Variants in ZNF827 observed in about 807,000 individuals in gnomAD.
ZNF827 encodes zinc finger protein 827.
ZNF827 carries 13 observed loss-of-function variants against 102.4 expected under a neutral mutation model. That is an observed-to-expected ratio of 0.13 (90% CI 0.08 to 0.20). The LOEUF (loss-of-function observed/expected upper bound fraction) is 0.20, where lower values mean the gene tolerates loss of function less well. Among genes scored for constraint, ZNF827 ranks in the 10% least tolerant of loss-of-function variants. The pLI, the probability that ZNF827 is intolerant of heterozygous loss-of-function variation, is 1.00. For missense variants in ZNF827, 1,103 were observed against 1,344.4 expected (o/e 0.82, Z 2.81); for synonymous variants, 523 against 536.2 (o/e 0.98, Z 0.34).
At chr4:145,887,786 C>A (rs931964018) in intron 3 of ZNF827, among the ~76,000 whole-genome samples, 19 of 152,212 alleles carry the variant, frequency 1.2e-4, no homozygotes, top group African/African-American at 4.6e-4. Context: ...ACCTTGGGGA[C>A]CTCAGGTCAC....
chr4:145,826,733 G>A (rs1226828962), intron 7 of ZNF827, among the ~76,000 whole-genome samples: 3 of 152,072 alleles, frequency 2.0e-5, no homozygotes, highest in East Asian at 3.9e-4. Context: ...TGAGGTTTCC[G>A]GCAACCACTG....
At chr4:145,893,019 CA>C (rs1388768504) in intron 2 of ZNF827, among the ~76,000 whole-genome samples, 2 of 152,204 alleles carry the variant, frequency 1.3e-5, no homozygotes, top group Non-Finnish European at 1.5e-5. Context: ...ATTTAGCCAT[CA>C]GGGGGTCTTA....
chr4:145,900,733 C>T (rs1183064679), intron 2 of ZNF827, among the ~76,000 whole-genome samples: 1 of 152,038 alleles, frequency 6.6e-6, no homozygotes, highest in African/African-American at 2.4e-5. Flanking sequence ...TATATACAGC[C>T]ATACCTCTCT....
chr4:145,920,303 T>C (rs577921838), intron 1 of ZNF827, among the ~76,000 whole-genome samples: 10 of 152,198 alleles, frequency 6.6e-5, no homozygotes, highest in Non-Finnish European at 1.5e-4. Flanking sequence ...ATATGCCCAG[T>C]CATCAGGAAA....
intron 1 of ZNF827, among the ~76,000 whole-genome samples, chr4:145,918,525 A>T (rs1222488553): frequency 6.6e-6 from 1 of 151,258 alleles, no homozygotes; most frequent in Non-Finnish European, 1.5e-5. Context: ...AAAAAAAAAA[A>T]TTCCGATATA....
At chr4:145,883,643 T>G (rs1268790497) in intron 4 of ZNF827, among the ~76,000 whole-genome samples, 3 of 152,222 alleles carry the variant, frequency 2.0e-5, no homozygotes, top group African/African-American at 7.2e-5. Context: ...CCTTCCCTGT[T>G]CTCGCTCAAC....
At chr4:145,838,651 C>T (rs1241856325) in intron 7 of ZNF827, among the ~76,000 whole-genome samples, 1 of 151,784 alleles carries the variant, frequency 6.6e-6, no homozygotes, top group East Asian at 1.9e-4. Flanking sequence ...TGAGAATGTC[C>T]ATGGAAAAAT....
rs1553975846 is a variant in ZNF827, at chr4:145,768,890, AAT to A, written c.2861-3154_2861-3153del. Among the ~76,000 whole-genome samples the A allele has an allele frequency of 2.3e-3, 18 of 7,722 alleles. 1 individual carries two copies. Among genetic ancestry groups the A allele is most frequent in the Non-Finnish European group, 4.4e-3 (14 of 3,168 alleles). 5.1% of individuals were successfully genotyped at this position (7,722 alleles called of 152,430 possible). On this transcript the variant is annotated intron_variant, in intron 11 of 14. Transcript: ENST00000508784. ...AAAAAAAAAAAAAAAAAAAAAAAAA[AAT>A]ATATATATATATATATATATATATT...
At chr4:145,791,607 T>C (rs2127058026) in intron 8 of ZNF827, among the ~76,000 whole-genome samples, 1 of 152,346 alleles carries the variant, frequency 6.6e-6, no homozygotes, top group African/African-American at 2.4e-5. Flanking sequence ...ATCTCTATTA[T>C]ATCATTCTCA....
intron 6 of ZNF827, among the ~76,000 whole-genome samples, chr4:145,846,348 G>GT (rs1745937603): frequency 6.6e-6 from 1 of 152,120 alleles, no homozygotes; most frequent in Non-Finnish European, 1.5e-5. Context: ...GATGGTGGTG[G>GT]GCATCTATGG....
chr4:145,823,735 G>T (rs534122108), intron 7 of ZNF827, among the ~76,000 whole-genome samples: 1 of 152,162 alleles, frequency 6.6e-6, no homozygotes. Context: ...CTGCCTATGG[G>T]TTTTATATTT....
intron 5 of ZNF827, among the ~76,000 whole-genome samples, chr4:145,852,133 T>C (rs1031021477): frequency 5.9e-5 from 9 of 152,144 alleles, no homozygotes; most frequent in Admixed American, 2.0e-4. Flanking sequence ...AAAAGAATAC[T>C]AGGACAAATA....
chr4:145,913,785 T>G (rs955575898), intron 1 of ZNF827, among the ~76,000 whole-genome samples: 1 of 152,208 alleles, frequency 6.6e-6, no homozygotes, highest in African/African-American at 2.4e-5. Context: ...GATAAATCGG[T>G]TGATTATCTG....
intron 6 of ZNF827, among the ~76,000 whole-genome samples, 154 bp downstream of exon 6, chr4:145,849,164 CTGTT>C (rs1746276234): frequency 6.6e-6 from 1 of 151,918 alleles, no homozygotes; most frequent in African/African-American, 2.4e-5. Flanking sequence ...ACTTTATTAA[CTGTT>C]AGTTTGGGTG....
At chr4:145,892,649 T>C (rs1750694011) in intron 2 of ZNF827, among the ~76,000 whole-genome samples, 1 of 147,016 alleles carries the variant, frequency 6.8e-6, no homozygotes, top group Non-Finnish European at 1.6e-5. Context: ...CTGATCATCC[T>C]GCCTTGTGAA....
At position 145,902,951 on chromosome 4, in the gene ZNF827, G is replaced by T. The variant is rs375628405; in HGVS notation, c.308C>A (p.Pro103Gln). 1.2e-6 allele frequency: 2 copies of T among 1,614,002 alleles called. No homozygotes were observed. Among genetic ancestry groups the T allele is most frequent in the Non-Finnish European group, 1.7e-6 (2 of 1,180,026 alleles). The change falls in exon 2 of 15, where the codon CCG becomes CAG. Residue 103 changes from proline (P) to glutamine (Q), a missense_variant. Pro to Gln is a moderately conservative substitution (Grantham distance 76, BLOSUM62 -1). Coordinates refer to ENST00000508784, the MANE Select transcript of ZNF827 (RefSeq NM_001306215.2). This position sits in a 1 kb window ranked among gnomAD's most constrained non-coding sequence, Gnocchi z 4.3. ...DSLQCQDHLS[P>Q]GVSSLCDDDP... is the part of the protein sequence containing the mutation. The stretch of plus-strand genomic sequence containing the variant: ...ATCGTCACACAAAGAAGACACTCCC[G>T]GGGAAAGGTGATCTTGACACTGCAG...
At chr4:145,915,870 G>A (rs1752633206) in intron 1 of ZNF827, among the ~76,000 whole-genome samples, 1 of 152,232 alleles carries the variant, frequency 6.6e-6, no homozygotes, top group Non-Finnish European at 1.5e-5. Context: ...TAGTGGGACA[G>A]GCATAGAATA....
intron 1 of ZNF827, chr4:145,907,065 G>A (rs1050295018): frequency 4.4e-6 from 2 of 456,752 alleles, no homozygotes; most frequent in Admixed American, 4.7e-5. Flanking sequence ...AATACCTGAG[G>A]TTAAATAAAT....
chr4:145,889,554 C>CTTT (rs36000739), intron 3 of ZNF827, among the ~76,000 whole-genome samples: 9 of 136,762 alleles, frequency 6.6e-5, no homozygotes, highest in Non-Finnish European at 9.4e-5. Context: ...ACTGACCCCA[C>CTTT]TTTTTTTTTT....
Sources: gnomAD v4.1 joint callset for allele counts (sites outside exome capture counted in the v4.1 genomes callset) on GRCh38, gnomAD v4.1.1 for gene constraint, Gnocchi (gnomAD v3.1) non-coding constraint, MANE v1.5 for transcripts, NCBI Gene and HGNC (gene_info 2026-07-23, HGNC 2026-07-21) for gene names.